NRAP: variants seen among roughly 807,000 people sequenced by gnomAD.
NRAP encodes the protein nebulin-related-anchoring protein.
Under a neutral mutation model 225.9 loss-of-function variants are expected in NRAP, and 189 were observed. The observed-to-expected ratio is 0.84, with a 90% confidence interval of 0.74 to 0.94. The LOEUF (loss-of-function observed/expected upper bound fraction) is 0.94. Among genes scored for constraint, NRAP ranks in the 40% least tolerant of loss-of-function variants. The pLI is 0.00. For synonymous variants in NRAP, 769 were observed against 790.7 expected (o/e 0.97, Z 0.46); for missense variants, 2,176 against 2,168.7 (o/e 1.00, Z -0.07).
chr10:113,600,775 C>T (rs1385735160), intron 35 of NRAP, among the ~76,000 whole-genome samples: 2 of 152,188 alleles, frequency 1.3e-5, no homozygotes, highest in Non-Finnish European at 2.9e-5. Context: ...ATTACTGGTG[C>T]CTTATCGCCG....
intron 19 of NRAP, among the ~76,000 whole-genome samples, 165 bp from the exon 20 acceptor site, chr10:113,629,186 G>T (rs1041701391): frequency 6.6e-6 from 1 of 152,160 alleles, no homozygotes; most frequent in Non-Finnish European, 1.5e-5. Context: ...TACAGCCACC[G>T]GGCCCACCTT....
intron 4 of NRAP, 28 bp from the exon 5 acceptor site, chr10:113,654,153 A>G: frequency 3.0e-6 from 4 of 1,323,992 alleles, no homozygotes; most frequent in Non-Finnish European, 4.4e-6. Flanking sequence ...GAAGGGATAC[A>G]AACACATGCC....
chr10:113,593,174 T>A (rs776546433), intron 38 of NRAP, among the ~76,000 whole-genome samples: 49 of 152,042 alleles, frequency 3.2e-4, no homozygotes, highest in Non-Finnish European at 5.6e-4. Flanking sequence ...CACCAACAGA[T>A]GACAAAGTGA....
intron 40 of NRAP, 37 bp downstream of exon 40, chr10:113,590,541 G>A: frequency 6.3e-7 from 1 of 1,582,954 alleles, no homozygotes; most frequent in South Asian, 1.1e-5. Context: ...GAGGCACCAG[G>A]GGAAGGGCCT....
chr10:113,635,307 C>T lies in NRAP; in HGVS notation c.1429-1097G>A, dbSNP rs377752071. Among the ~76,000 whole-genome samples the T allele has an allele frequency of 7.9e-5, 12 of 152,262 alleles. 1 individual carries two copies. The South Asian group carries it at 2.1e-3, about 26-fold the overall frequency. ...TGAGGCTGGATAGTAGGCGATAAGG[C>T]GTGAGGCACTAAGGTGAGCTGAGTG... is the stretch of plus-strand genomic sequence containing the variant. On this transcript the variant is annotated intron_variant, in intron 14 of 41. Coordinates refer to ENST00000359988, the MANE Select transcript of NRAP (RefSeq NM_198060.4).
At chr10:113,641,337 C>T (rs779962914) in intron 13 of NRAP, 28 bp downstream of exon 13, 2 of 1,428,716 alleles carry the variant, frequency 1.4e-6, no homozygotes, top group South Asian at 2.3e-5. Context: ...CACTCCATCC[C>T]AACAGACCCT....
chr10:113,645,868 A>C lies in NRAP; in HGVS notation c.1067T>G (p.Leu356Trp). The change falls in exon 11 of 42, where the codon TTG becomes TGG. Residue 356 changes from leucine (L) to tryptophan (W), a missense_variant. Transcript: ENST00000359988. Reference sequence around the variant, plus strand: ...TACGCTCTGAGCCTGTTTGAGAACCAAGTTGTCTTGAGCTGGAAGCGAGTG... The same window carrying C: ...TACGCTCTGAGCCTGTTTGAGAACCCAGTTGTCTTGAGCTGGAAGCGAGTG... ...HYHSLPAQDN[L>W]VLKQAQSVNK... 1 of 1,611,170 alleles carries C rather than the reference A, an allele frequency of 6.2e-7. No homozygotes were observed. Among genetic ancestry groups the C allele is most frequent in the Non-Finnish European group, 8.5e-7 (1 of 1,178,116 alleles).
rs1426869610 is a variant in NRAP, at chr10:113,640,318, G to A, written c.1337C>T (p.Ala446Val). 2 of 1,576,894 alleles carry A rather than the reference G, an allele frequency of 1.3e-6. No individual in the cohort carries two copies. Among genetic ancestry groups the A allele is most frequent in the Non-Finnish European group, 1.7e-6 (2 of 1,159,380 alleles). The change falls in exon 14 of 42, where the codon GCT (alanine) becomes GTT (valine). Residue 446 changes from alanine to valine, a missense_variant. Transcript: ENST00000359988. The part of the protein sequence containing the change: ...GSLASNVAYK[A>V]DYKHDIVDYN... ...GTCGACAATATCATGTTTATAATCA[G>A]CTTTGTAGGCAACCTAAAACAGGAA...
At chr10:113,590,954 T>C (rs1326529179) in intron 39 of NRAP, 65 bp from the exon 40 acceptor site, 2 of 1,436,774 alleles carry the variant, frequency 1.4e-6, no homozygotes, top group Non-Finnish European at 1.9e-6. Context: ...GCCTCACATA[T>C]GGGGCCATCC....
chr10:113,593,334 T>A (rs1443925200), intron 38 of NRAP, among the ~76,000 whole-genome samples: 1 of 151,634 alleles, frequency 6.6e-6, no homozygotes, highest in African/African-American at 2.4e-5. Flanking sequence ...AAAGGAGGAG[T>A]GGCAGATGAA....
chr10:113,650,036 C>T lies in NRAP; in HGVS notation c.888+1G>A, dbSNP rs954602400. 1 of 1,547,222 alleles carries T rather than the reference C, an allele frequency of 6.5e-7. No homozygotes were observed. The highest frequency in any genetic ancestry group is 1.7e-5 in the Admixed American group (1 of 59,920). On this transcript the variant is annotated splice_donor_variant, in intron 9 of 41. Transcript: ENST00000359988. LOFTEE classifies it high-confidence loss of function. ...GGTCAGGAGATCATTTTATCACATA[C>T]CTGGCCATATTGGTCTGCACATTCC...
At position 113,605,760 on chromosome 10, in the gene NRAP, A is replaced by T; in HGVS notation, c.3915+2T>A. 1.3e-6 allele frequency: 2 copies of T among 1,588,858 alleles called. No homozygotes were observed. Among genetic ancestry groups the T allele is most frequent in the Non-Finnish European group, 1.7e-6 (2 of 1,157,276 alleles). On this transcript the variant is annotated splice_donor_variant, in intron 34 of 41. Coordinates refer to ENST00000359988, the MANE Select transcript of NRAP (RefSeq NM_198060.4). LOFTEE classifies it high-confidence loss of function. The stretch of plus-strand genomic sequence containing the variant: ...GATGGAAGGTCATATCATTCAACTC[A>T]CATCACTGGCTATATCTCCAGAGGC...
At chr10:113,625,000 G>T in intron 21 of NRAP, 70 bp from the exon 22 acceptor site, 1 of 902,670 alleles carries the variant, frequency 1.1e-6, no homozygotes, top group Non-Finnish European at 1.9e-6. Flanking sequence ...ATCCCTCATG[G>T]TGTCTCTGTC....
At chr10:113,639,523 G>C (rs1337391013) in intron 14 of NRAP, among the ~76,000 whole-genome samples, 2 of 152,214 alleles carry the variant, frequency 1.3e-5, no homozygotes, top group Non-Finnish European at 2.9e-5. Flanking sequence ...TGATTGATTG[G>C]AGATAACCTT....
At chr10:113,629,873 C>A in intron 18 of NRAP, 88 bp from the exon 19 acceptor site, 1 of 892,500 alleles carries the variant, frequency 1.1e-6, no homozygotes, top group South Asian at 1.5e-5. Flanking sequence ...GATTTCCGGG[C>A]TTTCGGGAGC....
At position 113,646,840 on chromosome 10, in the gene NRAP, TGTGTGTAGGTTTCA is replaced by T; in HGVS notation, c.993+69_993+82del. 3 of 906,996 alleles carry T rather than the reference TGTGTGTAGGTTTCA, an allele frequency of 3.3e-6. No individual in the cohort carries two copies. In the East Asian group the frequency reaches 7.2e-5, roughly 22 times the overall value. The allele number at this position is 906,996 out of a possible 1,614,324, so 56.2% of individuals were successfully genotyped here. A position where few individuals can be genotyped will look rare whatever the true frequency, so the allele number is the denominator to read the frequency against. On this transcript the variant is annotated intron_variant, in intron 10 of 41. Transcript: ENST00000359988. ...TTGGCTCAGCTATAATAAATGTATC[TGTGTGTAGGTTTCA>T]GTAAGCACAGCCTTCAAAGTCTCAC...
intron 14 of NRAP, among the ~76,000 whole-genome samples, chr10:113,639,137 A>G (rs1249447349): frequency 1.5e-5 from 2 of 136,372 alleles, no homozygotes; most frequent in Admixed American, 1.6e-4. Flanking sequence ...GTAGTGGTCA[A>G]GTTTAACTTT....
At chr10:113,597,003 C>A (rs1846318644) in intron 37 of NRAP, 83 bp downstream of exon 37, 2 of 906,408 alleles carry the variant, frequency 2.2e-6, no homozygotes, top group Non-Finnish European at 3.7e-6. Context: ...CCCCATCTGT[C>A]CAGAGCCTGT....
At position 113,617,155 on chromosome 10, in the gene NRAP, A is replaced by G. The variant is rs550600630; in HGVS notation, c.2973+300T>C. ...TCTGAAAACAACACTTTCAGGCAAA[A>G]GGAGAGGAGAAAACAGCCTCACCAC... is the stretch of plus-strand genomic sequence containing the variant. On this transcript the variant is annotated intron_variant, in intron 26 of 41. Transcript: ENST00000359988. 3.9e-5 allele frequency among the ~76,000 whole-genome samples: 6 copies of G among 152,272 alleles called. No homozygotes were observed. The South Asian group carries it at 1.0e-3, about 26-fold the overall frequency.
Sources: allele counts gnomAD v4.1 joint callset (sites outside exome capture counted in the v4.1 genomes callset), GRCh38; gene constraint gnomAD v4.1.1; transcripts MANE v1.5; gene names NCBI Gene and HGNC (gene_info 2026-07-23, HGNC 2026-07-21).